GTPBP4: variants seen among roughly 807,000 people sequenced by gnomAD.
The protein encoded by GTPBP4 is GTP-binding protein 4.
GTPBP4 carries 15 observed loss-of-function variants against 81.7 expected under a neutral mutation model. That is an observed-to-expected ratio of 0.18 (90% confidence interval 0.12 to 0.28). GTPBP4 has a LOEUF of 0.28. Ranked by LOEUF, GTPBP4 falls within the 10% of genes least tolerant of loss-of-function variation. The pLI, the probability that GTPBP4 is intolerant of heterozygous loss-of-function variation, is 1.00. For missense variants in GTPBP4, 847 were observed against 793.8 expected, an observed-to-expected ratio of 1.07 and a Z score of -0.81; for synonymous variants, 272 against 274.6, an observed-to-expected ratio of 0.99 and a Z score of 0.09.
At chr10:988,559 T>C in intron 1 of GTPBP4, 32 bp downstream of exon 1, 1 of 1,566,366 alleles carries the variant, frequency 6.4e-7, no homozygotes, top group Non-Finnish European at 8.8e-7. Context: ...ACTGCAACTT[T>C]CGCGTTCTCC....
chr10:992,319 G>A (rs1831458831), intron 1 of GTPBP4, among the ~76,000 whole-genome samples, 170 bp from the exon 2 acceptor site: 1 of 150,064 alleles, frequency 6.7e-6, no homozygotes, highest in African/African-American at 2.5e-5. Flanking sequence ...ATAATGGCAT[G>A]AACCTGGGAG....
intron 9 of GTPBP4, among the ~76,000 whole-genome samples, 173 bp downstream of exon 9, chr10:1,006,080 C>G (rs1831725119): frequency 6.6e-6 from 1 of 152,208 alleles, no homozygotes. Flanking sequence ...CTTCTAAGAC[C>G]CACTTTGCCC....
chr10:988,485 A>C lies in GTPBP4; in HGVS notation c.6A>C (p.Ala2=). Residue 2 remains alanine, a synonymous_variant, in exon 1 of 17, where the codon GCA becomes GCC. Coordinates refer to ENST00000360803, the MANE Select transcript of GTPBP4 (RefSeq NM_012341.3). M[A]HYNFKKITVV... is the part of the protein sequence containing the mutation. ...GCGTGCATACGGCTGCCGGCATGGC[A>C]CATTACAACTTCAAGAAAATTACGG... The C allele has an allele frequency of 6.2e-7, 1 of 1,613,280 alleles. No individual in the cohort carries two copies. Among genetic ancestry groups the C allele is most frequent in the South Asian group, 1.1e-5 (1 of 91,066 alleles).
rs759590768 is a variant in GTPBP4, at chr10:1,009,533, G to A, written c.1196G>A (p.Arg399Gln). The A allele has an allele frequency of 5.6e-6, 9 of 1,601,176 alleles. No homozygotes were observed. Among genetic ancestry groups the A allele is most frequent in the East Asian group, 4.5e-5 (2 of 44,822 alleles). ...ETEESRKKRE[R>Q]DLELEMGDDY... ...TAATTTCTCTTTCTATTGCAGGAAC[G>A]AGATCTTGAGCTGGAAATGGGAGAT... Residue 399 changes from arginine to glutamine, a missense_variant, in exon 12 of 17, where the codon CGA (arginine) becomes CAA (glutamine). This residue lies in a region of GTPBP4 where 600 missense variants were observed against 557.1 expected (regional missense o/e 1.08). Transcript: ENST00000360803.
At chr10:1,003,201 T>C (rs909745697) in intron 8 of GTPBP4, among the ~76,000 whole-genome samples, 3 of 152,212 alleles carry the variant, frequency 2.0e-5, no homozygotes, top group Non-Finnish European at 4.4e-5. Context: ...TCTATTGTAT[T>C]ATCTCATCCA....
chr10:992,533 A>G lies in GTPBP4; in HGVS notation c.93A>G (p.Pro31=). The change falls in exon 2 of 17, where the codon CCA becomes CCG. Residue 31 remains proline, a synonymous_variant. Transcript: ENST00000360803. ...LTLSKTQRKT[P]TVIHKHYQIH... ...TGTCGAAGACTCAACGAAAGACTCC[A>G]ACCGTTATTCATAAACATTACCAAA... 6.2e-7 allele frequency: 1 copy of G among 1,606,418 alleles called. No individual in the cohort carries two copies. The highest frequency in any genetic ancestry group is 8.5e-7 in the Non-Finnish European group (1 of 1,173,126).
Position 1,000,995 on chromosome 10 carries a change from A to T in GTPBP4, c.894A>T (p.Glu298Asp), listed in dbSNP as rs143312593. The T allele has an allele frequency of 2.7e-4, 439 of 1,606,848 alleles. 4 individuals carry two copies. In the African/African-American group the frequency reaches 5.3e-3, roughly 19 times the overall value. ...AATGTGATGTGAAGAGAATAGCTGA[A>T]CTTTCTGAAGATGATCAGGTAAATC... ...ANKCDVKRIA[E>D]LSEDDQKIFT... is the part of the protein sequence containing the mutation. Residue 298 changes from glutamate (E) to aspartate (D), a missense_variant, in exon 8 of 17, where the codon GAA (glutamate) becomes GAT (aspartate). Glu to Asp is a conservative substitution (Grantham distance 45). Coordinates refer to ENST00000360803, the MANE Select transcript of GTPBP4 (RefSeq NM_012341.3).
chr10:1,008,896 G>A (rs1831800314), intron 10 of GTPBP4, 62 bp from the exon 11 acceptor site: 1 of 1,273,486 alleles, frequency 7.9e-7, no homozygotes, highest in Non-Finnish European at 1.1e-6. Context: ...TACTTTTTCG[G>A]CTTTGTAAGT....
rs754508084 is a variant in GTPBP4, at chr10:1,005,922, AAGTCAGGTATT to A, written c.1002+20_1002+30del. 5.2e-6 allele frequency: 7 copies of A among 1,336,326 alleles called. No individual in the cohort carries two copies. In the African/African-American group the frequency reaches 1.0e-4, roughly 20 times the overall value. The allele number at this position is 1,336,326 out of a possible 1,614,324, so 82.8% of individuals were successfully genotyped here. ...TTAAAACAGAGGTCAGTGCTGCCTT[AAGTCAGGTATT>A]AGTCTTTTTACTGTCTCTTGTTTGA... On this transcript the variant is annotated intron_variant, in intron 9 of 16. Coordinates refer to ENST00000360803, the MANE Select transcript of GTPBP4 (RefSeq NM_012341.3).
chr10:1,009,667 T>G, intron 12 of GTPBP4, 87 bp downstream of exon 12: 1 of 837,696 alleles, frequency 1.2e-6, no homozygotes, highest in Non-Finnish European at 2.1e-6. Context: ...TAATAAGTAA[T>G]AAAAGTGTTT....
At chr10:1,007,865 T>A (rs777193997) in intron 10 of GTPBP4, 6 of 514,230 alleles carry the variant, frequency 1.2e-5, no homozygotes, top group Non-Finnish European at 2.3e-5. Context: ...TGAGCATGTT[T>A]GTCTGCTTAT....
Position 988,533 on chromosome 10 carries a change from C to T in GTPBP4, c.48+6C>T. On this transcript the variant is annotated splice_donor_region_variant and intron_variant, in intron 1 of 16. Coordinates refer to ENST00000360803, the MANE Select transcript of GTPBP4 (RefSeq NM_012341.3). ...CGGTGGTGCCGTCCGCCAAGGTAGG[C>T]GGCCCCGGGAGGGCCACTGCAACTT... 3 of 1,609,078 alleles carry T rather than the reference C, an allele frequency of 1.9e-6. No homozygotes were observed. The highest frequency in any genetic ancestry group is 1.7e-6 in the Non-Finnish European group (2 of 1,176,318).
chr10:997,763 C>T (rs571490763), intron 5 of GTPBP4, among the ~76,000 whole-genome samples: 4 of 152,320 alleles, frequency 2.6e-5, no homozygotes, highest in East Asian at 1.9e-4. Flanking sequence ...GGGGTCTTCC[C>T]GTCTGCAGCT....
chr10:988,520 C>G lies in GTPBP4; in HGVS notation c.41C>G (p.Ser14Cys), dbSNP rs771003947. The change falls in exon 1 of 17, where the codon TCC becomes TGC. Residue 14 changes from serine to cysteine, a missense_variant. Physicochemically the swap from Ser to Cys is moderately radical, Grantham distance 112. Coordinates refer to ENST00000360803, the MANE Select transcript of GTPBP4 (RefSeq NM_012341.3). ...TTCAAGAAAATTACGGTGGTGCCGT[C>G]CGCCAAGGTAGGCGGCCCCGGGAGG... The part of the protein sequence containing the change: ...YNFKKITVVP[S>C]AKDFIDLTLS... 1.9e-5 allele frequency: 31 copies of G among 1,612,352 alleles called. No individual in the cohort carries two copies. The highest frequency in any genetic ancestry group is 2.5e-5 in the Non-Finnish European group (29 of 1,179,198).
chr10:998,833 T>C (rs1356747744), intron 5 of GTPBP4, among the ~76,000 whole-genome samples, 170 bp from the exon 6 acceptor site: 3 of 152,186 alleles, frequency 2.0e-5, no homozygotes, highest in Non-Finnish European at 2.9e-5. Flanking sequence ...CCCCAGTCCT[T>C]GGCCTGGTGG....
intron 4 of GTPBP4, 137 bp from the exon 5 acceptor site, chr10:997,071 T>TC (rs1455888765): frequency 2.9e-6 from 2 of 681,276 alleles, no homozygotes; most frequent in Non-Finnish European, 5.3e-6. Flanking sequence ...AACTATTTTC[T>TC]CCATCACTTT....
At chr10:1,011,619 G>A (rs981516449) in intron 13 of GTPBP4, among the ~76,000 whole-genome samples, 2 of 152,192 alleles carry the variant, frequency 1.3e-5, no homozygotes, top group African/African-American at 2.4e-5. Context: ...CAGGCCCTCC[G>A]TCATTGAGTT....
chr10:997,898 A>G (rs911085817), intron 5 of GTPBP4, among the ~76,000 whole-genome samples: 4 of 152,160 alleles, frequency 2.6e-5, no homozygotes, highest in Non-Finnish European at 5.9e-5. Context: ...GGATAAGTGT[A>G]ACATTTAAGG....
intron 5 of GTPBP4, among the ~76,000 whole-genome samples, chr10:997,807 T>G (rs187368643): frequency 1.3e-5 from 2 of 152,318 alleles, no homozygotes; most frequent in Admixed American, 1.3e-4. Context: ...GGTTGCTGTG[T>G]CAGCTTTCAC....
Sources: allele counts gnomAD v4.1 joint callset (sites outside exome capture counted in the v4.1 genomes callset), GRCh38; gene constraint gnomAD v4.1.1; regional missense constraint gnomAD v4.1.1; transcripts MANE v1.5; gene names NCBI Gene and HGNC (gene_info 2026-07-23, HGNC 2026-07-21).